SLC20A2: variants seen among roughly 807,000 people sequenced by gnomAD.
The protein encoded by SLC20A2 is solute carrier family 20 member 2, also known as sodium-dependent phosphate transporter 2.
Under a neutral mutation model 61.0 loss-of-function variants are expected in SLC20A2, and 30 were observed. The observed-to-expected ratio is 0.49, with a 90% CI of 0.37 to 0.67. The LOEUF is 0.67. SLC20A2 is among the 30% of genes least tolerant of loss of function. The pLI is 0.00. For synonymous variants in SLC20A2, 351 were observed against 353.3 expected (o/e 0.99, Z 0.07); for missense variants, 626 against 866.4 (o/e 0.72, Z 3.48).
intron 1 of SLC20A2, among the ~76,000 whole-genome samples, chr8:42,486,861 A>G (rs896033990): frequency 2.0e-5 from 3 of 151,860 alleles, no homozygotes; most frequent in African/African-American, 7.3e-5. Flanking sequence ...ATTACTACAG[A>G]TTATTTTTAT....
At chr8:42,435,729 C>T (rs1240626126) in intron 8 of SLC20A2, among the ~76,000 whole-genome samples, 1 of 152,170 alleles carries the variant, frequency 6.6e-6, no homozygotes, top group East Asian at 1.9e-4. Context: ...GAGTGACCTG[C>T]AGGCTCGGGC....
At chr8:42,453,962 G>A (rs931286816) in intron 5 of SLC20A2, among the ~76,000 whole-genome samples, 4 of 152,180 alleles carry the variant, frequency 2.6e-5, no homozygotes, top group East Asian at 3.9e-4. Context: ...AGATACTGGC[G>A]GCCAACTTAA....
intron 5 of SLC20A2, among the ~76,000 whole-genome samples, chr8:42,454,153 G>GCCA (rs926669934): frequency 1.9e-4 from 29 of 152,122 alleles, no homozygotes; most frequent in Non-Finnish European, 5.9e-5. Flanking sequence ...ACAGGTGCCT[G>GCCA]CCACCACGCT....
At chr8:42,456,293 A>T (rs1054609327) in intron 5 of SLC20A2, among the ~76,000 whole-genome samples, 1 of 152,228 alleles carries the variant, frequency 6.6e-6, no homozygotes, top group Non-Finnish European at 1.5e-5. Context: ...TATTGATGCC[A>T]ATTCCCATGT....
intron 5 of SLC20A2, among the ~76,000 whole-genome samples, chr8:42,458,707 G>A (rs975693281): frequency 1.3e-5 from 2 of 151,064 alleles, no homozygotes; most frequent in Non-Finnish European, 2.9e-5. Flanking sequence ...AGGAGACTGA[G>A]ACCATCCTGG....
chr8:42,440,195 G>A (rs1010422518), intron 6 of SLC20A2, among the ~76,000 whole-genome samples: 5 of 151,992 alleles, frequency 3.3e-5, no homozygotes, highest in African/African-American at 9.7e-5. Flanking sequence ...TTTAGGGCCC[G>A]AGTTATCATA....
chr8:42,506,734 G>T (rs1012368226), intron 1 of SLC20A2, among the ~76,000 whole-genome samples: 1 of 152,186 alleles, frequency 6.6e-6, no homozygotes, highest in African/African-American at 2.4e-5. Context: ...GTTAGCACAG[G>T]ATTCAGGGTC....
intron 1 of SLC20A2, among the ~76,000 whole-genome samples, chr8:42,497,872 A>G (rs181313704): frequency 1.0e-3 from 152 of 152,244 alleles, no homozygotes; most frequent in Non-Finnish European, 1.7e-3. Context: ...ATTACTCCCC[A>G]GTACCCAAGC....
intron 8 of SLC20A2, among the ~76,000 whole-genome samples, chr8:42,435,713 C>CA (rs1351476789): frequency 6.6e-6 from 1 of 152,158 alleles, no homozygotes; most frequent in Non-Finnish European, 1.5e-5. Flanking sequence ...GCGACATTAC[C>CA]ATGTGGAGTG....
intron 5 of SLC20A2, 87 bp downstream of exon 5, chr8:42,459,809 C>T: frequency 1.2e-6 from 1 of 862,494 alleles, no homozygotes; most frequent in Non-Finnish European, 1.9e-6. Context: ...TTTTTACTGT[C>T]AGCCAACAAT....
At chr8:42,474,822 C>T (rs368195787) in intron 1 of SLC20A2, among the ~76,000 whole-genome samples, 4 of 151,168 alleles carry the variant, frequency 2.6e-5, no homozygotes, top group South Asian at 2.1e-4. Context: ...AGGCAGGAGA[C>T]GGTGCCACAC....
At chr8:42,537,613 C>G (rs1188983043) in intron 1 of SLC20A2, 3 of 152,138 alleles carry the variant, frequency 2.0e-5, no homozygotes, top group African/African-American at 7.2e-5. Flanking sequence ...CCTGGTGAAT[C>G]ACTGTTCTAG....
intron 1 of SLC20A2, among the ~76,000 whole-genome samples, chr8:42,535,771 T>C (rs1812657625): frequency 6.6e-6 from 1 of 152,190 alleles, no homozygotes. Flanking sequence ...TTAAGGATGG[T>C]TTAATACTGA....
In SLC20A2 at chr8:42,437,704, C is replaced by T; in HGVS notation, c.935-127G>A. The T allele has an allele frequency of 8.2e-6, 6 of 730,380 alleles. No individual in the cohort carries two copies. The highest frequency in any genetic ancestry group is 1.2e-5 in the Non-Finnish European group (6 of 481,132). The allele number at this position is 730,380 out of a possible 1,614,324, so 45.2% of individuals were successfully genotyped here. Reference sequence around the variant, plus strand: ...CGCAATCTCGGCTCACTGCAACCTTCGCCTCCCGGGTTCAAGCGATTCTCC... The same window carrying T: ...CGCAATCTCGGCTCACTGCAACCTTTGCCTCCCGGGTTCAAGCGATTCTCC... On this transcript the variant is annotated intron_variant, in intron 7 of 10. Transcript: ENST00000520262. The surrounding 1 kb of genome is among the most constrained non-coding windows in gnomAD (Gnocchi z 6.4).
intron 1 of SLC20A2, among the ~76,000 whole-genome samples, chr8:42,473,142 T>C (rs568718376): frequency 3.0e-4 from 45 of 152,274 alleles, no homozygotes; most frequent in African/African-American, 1.1e-3. Flanking sequence ...GAGCACAGTA[T>C]ATTATCATGC....
At chr8:42,464,354 T>G (rs1806987679) in intron 3 of SLC20A2, among the ~76,000 whole-genome samples, 1 of 150,688 alleles carries the variant, frequency 6.6e-6, no homozygotes. Flanking sequence ...ACTCCTGGGC[T>G]AAAGCAATCC....
At chr8:42,516,999 C>G (rs1811357299) in intron 1 of SLC20A2, among the ~76,000 whole-genome samples, 3 of 152,168 alleles carry the variant, frequency 2.0e-5, no homozygotes, top group Admixed American at 2.0e-4. Context: ...GTCCACCACC[C>G]CCCAAGCATT....
intron 1 of SLC20A2, among the ~76,000 whole-genome samples, chr8:42,480,963 A>G (rs903165981): frequency 6.6e-6 from 1 of 152,030 alleles, no homozygotes; most frequent in African/African-American, 2.4e-5. Context: ...GCCCAGCCCT[A>G]TATTCAATTT....
intron 10 of SLC20A2, 135 bp downstream of exon 10, chr8:42,428,623 C>T (rs966220846): frequency 1.4e-5 from 9 of 659,334 alleles, no homozygotes; most frequent in Admixed American, 3.0e-5. Flanking sequence ...TACAAGGTCC[C>T]GGAGACCTGG....
Sources: allele counts gnomAD v4.1 joint callset (sites outside exome capture counted in the v4.1 genomes callset), GRCh38; gene constraint gnomAD v4.1.1; non-coding constraint Gnocchi (gnomAD v3.1); transcripts MANE v1.5; gene names NCBI Gene and HGNC (gene_info 2026-07-23, HGNC 2026-07-21).